The following CELF2 variants were observed in gnomAD, a reference collection of about 807,000 sequenced individuals.
CELF2 encodes CUGBP Elav-like family member 2.
In CELF2, 8 loss-of-function variants were observed where a neutral mutation model predicts 62.6. The observed-to-expected ratio is 0.13, with a 90% CI of 0.07 to 0.23. CELF2 has a LOEUF of 0.23. Ranked by LOEUF, CELF2 falls within the 10% of genes least tolerant of loss-of-function variation. The pLI, the probability that CELF2 is intolerant of heterozygous loss-of-function variation, is 1.00. For synonymous variants in CELF2, 258 were observed against 250.0 expected (o/e 1.03, Z -0.30); for missense variants, 333 against 671.0 (o/e 0.50, Z 5.56).
intron 3 of CELF2, among the ~76,000 whole-genome samples, chr10:11,226,608 ACACACACACACAC>A (rs2066671423): frequency 2.0e-5 from 3 of 147,526 alleles, no homozygotes; most frequent in Admixed American, 1.3e-4. Flanking sequence ...GGCCACACAC[ACACACACACACAC>A]ACACACACAC....
chr10:11,304,231 T>C (rs982815864), intron 9 of CELF2, among the ~76,000 whole-genome samples: 3 of 152,184 alleles, frequency 2.0e-5, no homozygotes, highest in African/African-American at 4.8e-5. Context: ...CCAGCTTTAC[T>C]TGGCTCATGG....
chr10:11,209,413 T>G (rs2399667), intron 2 of CELF2, among the ~76,000 whole-genome samples: 106,694 of 151,434 alleles, frequency 0.7, 38,662 homozygotes, highest in Non-Finnish European at 0.8. Context: ...GGTTGGATTT[T>G]GGGCTAAAAA....
rs1284330524 is a variant in CELF2, at chr10:11,046,568, C to T, written c.74+28405C>T. Reference sequence around the variant, plus strand: ...GGCATGTGGGCTCAGTGCTAATTTTCATGGCTTCTGTGGTCCCTGAAGTAC... The same window carrying T: ...GGCATGTGGGCTCAGTGCTAATTTTTATGGCTTCTGTGGTCCCTGAAGTAC... On this transcript the variant is annotated intron_variant, in intron 1 of 12. Coordinates refer to ENST00000633077, the MANE Select transcript of CELF2 (RefSeq NM_001326342.2). This position sits in a 1 kb window ranked among gnomAD's most constrained non-coding sequence, Gnocchi z 4.6. Among the ~76,000 whole-genome samples the T allele has an allele frequency of 6.6e-6, 1 of 152,190 alleles. No individual in the cohort carries two copies. Among genetic ancestry groups the T allele is most frequent in the African/African-American group, 2.4e-5 (1 of 41,454 alleles).
At chr10:10,567,008 G>T in the CELF2 span, among the ~76,000 whole-genome samples, 2 of 152,302 alleles carry the variant, frequency 1.3e-5, no homozygotes, top group African/African-American at 4.8e-5. Context: ...ACATATTGAA[G>T]TATTGCTCAC....
At chr10:10,734,436 G>A in the CELF2 span, among the ~76,000 whole-genome samples, 2 of 152,204 alleles carry the variant, frequency 1.3e-5, no homozygotes, top group African/African-American at 2.4e-5. Flanking sequence ...GGTGCTGTTA[G>A]GATGTATGTG....
In CELF2 at chr10:11,319,860, TC is replaced by T. The variant is rs1166513513; in HGVS notation, c.1097-1325del. 3 of 470,852 alleles carry T rather than the reference TC, an allele frequency of 6.4e-6. No homozygotes were observed. In the Admixed American group the frequency reaches 7.1e-5, roughly 11 times the overall value. 29.2% of individuals were successfully genotyped at this position (470,852 alleles called of 1,614,324 possible). ...AGCACAAGTGGAGTAAACAGAACATTCCCCACCTGCTCTGTTAGGGCAGTAG... is the reference window on the plus strand; with the variant it reads ...AGCACAAGTGGAGTAAACAGAACATTCCCACCTGCTCTGTTAGGGCAGTAG... On this transcript the variant is annotated intron_variant, in intron 10 of 12. Coordinates refer to ENST00000633077, the MANE Select transcript of CELF2 (RefSeq NM_001326342.2). The surrounding 1 kb of genome is among the most constrained non-coding windows in gnomAD (Gnocchi z 4.4).
At chr10:11,101,391 G>C (rs2051587612) in intron 1 of CELF2, among the ~76,000 whole-genome samples, 1 of 152,208 alleles carries the variant, frequency 6.6e-6, no homozygotes, top group East Asian at 1.9e-4. Context: ...AGCCATGGGT[G>C]TGAATGAGAT....
chr10:10,905,186 C>T (rs1270947210), intron 1 of CELF2, among the ~76,000 whole-genome samples: 2 of 152,184 alleles, frequency 1.3e-5, no homozygotes, highest in African/African-American at 2.4e-5. Flanking sequence ...ATGATTAAAA[C>T]ATACTACGTA....
intron 12 of CELF2, among the ~76,000 whole-genome samples, chr10:11,327,365 ATTGT>A (rs1267914864): frequency 2.6e-5 from 4 of 152,260 alleles, no homozygotes; most frequent in African/African-American, 7.2e-5. Context: ...TTGAAAACAG[ATTGT>A]TTATCAGCCT....
the CELF2 span, among the ~76,000 whole-genome samples, chr10:10,659,704 A>G: frequency 6.6e-6 from 1 of 152,336 alleles, no homozygotes; most frequent in Admixed American, 6.5e-5. Flanking sequence ...GGTTGTCAGC[A>G]TGAGGACTAT....
At chr10:10,958,993 A>G (rs760719365) in intron 2 of CELF2, among the ~76,000 whole-genome samples, 3 of 152,218 alleles carry the variant, frequency 2.0e-5, no homozygotes, top group African/African-American at 7.2e-5. Flanking sequence ...ACGGTGGCTC[A>G]CACCTGTAAT....
chr10:11,303,113 T>G (rs2093920961), intron 9 of CELF2, among the ~76,000 whole-genome samples: 1 of 152,214 alleles, frequency 6.6e-6, no homozygotes, highest in Admixed American at 6.5e-5. Flanking sequence ...GGCTCTCCTC[T>G]GTATCGAACT....
chr10:10,875,198 AAAT>A (rs1309618342), intron 1 of CELF2, among the ~76,000 whole-genome samples: 3 of 152,200 alleles, frequency 2.0e-5, no homozygotes, highest in Admixed American at 6.5e-5. Context: ...TTCCGTCTGA[AAAT>A]TTCAATTCCC....
intron 2 of CELF2, among the ~76,000 whole-genome samples, chr10:11,202,028 G>C (rs937879916): frequency 6.6e-6 from 1 of 152,144 alleles, no homozygotes; most frequent in East Asian, 1.9e-4. Context: ...GCATAGACAA[G>C]ATCATGACTG....
At position 11,157,681 on chromosome 10, in the gene CELF2, T is replaced by C. The variant is rs1029378912; in HGVS notation, c.75-7805T>C. On this transcript the variant is annotated intron_variant, in intron 1 of 12. Coordinates refer to ENST00000633077, the MANE Select transcript of CELF2 (RefSeq NM_001326342.2). The surrounding 1 kb of genome is among the most constrained non-coding windows in gnomAD (Gnocchi z 4.9). ...CACTGTGCCTGACATAAAGCAGATA[T>C]TCAGTAACTGAGAATGAGAAGGAAA... 6.6e-6 allele frequency among the ~76,000 whole-genome samples: 1 copy of C among 152,194 alleles called. No homozygotes were observed. Among genetic ancestry groups the C allele is most frequent in the Admixed American group, 6.5e-5 (1 of 15,274 alleles).
intron 1 of CELF2, among the ~76,000 whole-genome samples, chr10:10,865,133 C>T (rs2060276378): frequency 6.6e-6 from 1 of 152,086 alleles, no homozygotes; most frequent in South Asian, 2.1e-4. Flanking sequence ...ACAGAATCAC[C>T]ATTAAACAGA....
chr10:10,510,126 A>G, the CELF2 span, among the ~76,000 whole-genome samples: 1 of 152,202 alleles, frequency 6.6e-6, no homozygotes, highest in Non-Finnish European at 1.5e-5. Flanking sequence ...AATTGCCTTT[A>G]ATATTAATTT....
chr10:10,639,772 A>T, the CELF2 span, among the ~76,000 whole-genome samples: 2 of 152,292 alleles, frequency 1.3e-5, no homozygotes, highest in East Asian at 1.9e-4. Flanking sequence ...TTTTCCAAGA[A>T]TTATATTTCA....
the CELF2 span, among the ~76,000 whole-genome samples, chr10:10,689,228 A>G: frequency 2.0e-5 from 3 of 152,260 alleles, no homozygotes; most frequent in East Asian, 5.8e-4. Flanking sequence ...ATTGACAATC[A>G]TGGTGAAAGG....
Sources: allele counts gnomAD v4.1 joint callset (sites outside exome capture counted in the v4.1 genomes callset), GRCh38; gene constraint gnomAD v4.1.1; non-coding constraint Gnocchi (gnomAD v3.1); transcripts MANE v1.5; gene names NCBI Gene and HGNC (gene_info 2026-07-23, HGNC 2026-07-21).